The following ZCCHC4 variants were observed in gnomAD, a reference collection of about 807,000 sequenced individuals.
ZCCHC4 encodes zinc finger CCHC-type containing 4.
In ZCCHC4, 54 loss-of-function variants were observed where a neutral mutation model predicts 67.7. The observed-to-expected ratio is 0.80, with a 90% CI of 0.64 to 1.00. ZCCHC4 has a LOEUF of 1.00. ZCCHC4 is among the 50% of genes least tolerant of loss of function. ZCCHC4 has a pLI of 0.00. For missense variants in ZCCHC4, 609 were observed against 617.0 expected, an observed-to-expected ratio of 0.99 and a Z score of 0.14; for synonymous variants, 198 against 213.5, an observed-to-expected ratio of 0.93 and a Z score of 0.63.
chr4:25,330,825 A>G (rs1322318357), intron 3 of ZCCHC4, among the ~76,000 whole-genome samples: 1 of 152,136 alleles, frequency 6.6e-6, no homozygotes, highest in African/African-American at 2.4e-5. Context: ...TTTTCCAGTG[A>G]TAATTCCACC....
chr4:25,323,185 T>G (rs1718676486), intron 3 of ZCCHC4, among the ~76,000 whole-genome samples: 1 of 152,206 alleles, frequency 6.6e-6, no homozygotes, highest in Admixed American at 6.5e-5. Flanking sequence ...TGTAAAAGGT[T>G]TTAGAATCTT....
At chr4:25,321,888 A>G (rs1354514026) in intron 3 of ZCCHC4, among the ~76,000 whole-genome samples, 3 of 152,104 alleles carry the variant, frequency 2.0e-5, no homozygotes, top group Non-Finnish European at 4.4e-5. Context: ...AAAGTACATG[A>G]TATGTTTCAG....
At chr4:25,353,680 T>A (rs1172230629) in intron 8 of ZCCHC4, among the ~76,000 whole-genome samples, 3 of 152,198 alleles carry the variant, frequency 2.0e-5, no homozygotes, top group Non-Finnish European at 4.4e-5. Context: ...GGATCTGAGT[T>A]TTAATCCTGG....
At chr4:25,362,100 C>T (rs1289769161) in intron 9 of ZCCHC4, 120 bp downstream of exon 9, 2 of 1,442,656 alleles carry the variant, frequency 1.4e-6, no homozygotes, top group African/African-American at 2.9e-5. Flanking sequence ...TAAATTAGGT[C>T]CATAATTTCA....
chr4:25,315,469 G>T, intron 3 of ZCCHC4, 69 bp downstream of exon 3: 1 of 1,171,356 alleles, frequency 8.5e-7, no homozygotes, highest in South Asian at 1.8e-5. Context: ...CTTTTTCTGT[G>T]CCTTTAAGTT....
In ZCCHC4 at chr4:25,365,047, TCA is replaced by T; in HGVS notation, c.1289_1290del (p.His430LeufsTer9). ...PSWIHCSICN[H>X]CAVPDHSCEG... ...CCTGGATCCACTGTAGCATCTGCAA[TCA>T]CTGTGCTGTTCCAGATCATTCTTGT... On this transcript the variant is annotated frameshift_variant, in exon 12 of 13. Coordinates refer to ENST00000302874, the MANE Select transcript of ZCCHC4 (RefSeq NM_024936.3). LOFTEE classifies it high-confidence loss of function. 1 of 1,614,190 alleles carries T rather than the reference TCA, an allele frequency of 6.2e-7. No homozygotes were observed. Among genetic ancestry groups the T allele is most frequent in the Non-Finnish European group, 8.5e-7 (1 of 1,180,006 alleles).
intron 8 of ZCCHC4, among the ~76,000 whole-genome samples, 189 bp downstream of exon 8, chr4:25,351,878 T>C (rs899020499): frequency 5.9e-5 from 9 of 152,106 alleles, no homozygotes; most frequent in Non-Finnish European, 1.2e-4. Flanking sequence ...AAAATACAGA[T>C]TGAGTACCAA....
At chr4:25,339,041 C>A (rs1299501388) in intron 5 of ZCCHC4, among the ~76,000 whole-genome samples, 3 of 152,142 alleles carry the variant, frequency 2.0e-5, no homozygotes, top group Non-Finnish European at 4.4e-5. Context: ...TCTCCTGAGG[C>A]CTCTCTCTGT....
Position 25,333,271 on chromosome 4 carries a change from C to T in ZCCHC4, c.418C>T (p.His140Tyr), listed in dbSNP as rs1177421243. Reference protein sequence around the residue: ...QLLLPDDWGQHSEHQVLGNVS... With the variant: ...QLLLPDDWGQYSEHQVLGNVS... ...GTTGTTACCAGATGACTGGGGGCAA[C>T]ATAGTGAGCATCAGGTTCTGGGTAA... The change falls in exon 4 of 13, where the codon CAT becomes TAT. Residue 140 changes from histidine to tyrosine, a missense_variant. Transcript: ENST00000302874. 1.2e-6 allele frequency: 2 copies of T among 1,614,142 alleles called. No homozygotes were observed. The highest frequency in any genetic ancestry group is 1.7e-5 in the Admixed American group (1 of 60,028).
chr4:25,350,096 C>T (rs569614286), intron 7 of ZCCHC4, among the ~76,000 whole-genome samples: 2 of 152,122 alleles, frequency 1.3e-5, no homozygotes, highest in South Asian at 2.1e-4. Flanking sequence ...CAGGGCTCTA[C>T]GCTTTGCCAG....
chr4:25,352,153 A>G (rs1720330464), intron 8 of ZCCHC4: 1 of 985,766 alleles, frequency 1.0e-6, no homozygotes, highest in Admixed American at 6.1e-5. Flanking sequence ...GGATGTCAGG[A>G]GTGTCAGAGA....
intron 3 of ZCCHC4, among the ~76,000 whole-genome samples, chr4:25,320,227 GTTA>G (rs1272481679): frequency 6.6e-6 from 1 of 151,900 alleles, no homozygotes; most frequent in Non-Finnish European, 1.5e-5. Flanking sequence ...TCTGAAATGT[GTTA>G]TTATGTTTGT....
At chr4:25,351,528 A>G in intron 7 of ZCCHC4, 61 bp from the exon 8 acceptor site, 1 of 1,149,136 alleles carries the variant, frequency 8.7e-7, no homozygotes, top group Non-Finnish European at 1.3e-6. Flanking sequence ...AAGTTTTTCT[A>G]CTGTAGCCTT....
At position 25,349,670 on chromosome 4, in the gene ZCCHC4, T is replaced by C. The variant is rs1279633565; in HGVS notation, c.910+28T>C. 9 of 1,606,136 alleles carry C rather than the reference T, an allele frequency of 5.6e-6. No individual in the cohort carries two copies. The East Asian group carries it at 1.6e-4, about 28-fold the overall frequency. Reference sequence around the variant, plus strand: ...GTATAATTTATTACTGCAAAATAAATACATATCTATATATCTACTTCCTGT... The same window carrying C: ...GTATAATTTATTACTGCAAAATAAACACATATCTATATATCTACTTCCTGT... On this transcript the variant is annotated intron_variant, in intron 7 of 12. Coordinates refer to ENST00000302874, the MANE Select transcript of ZCCHC4 (RefSeq NM_024936.3).
intron 5 of ZCCHC4, 116 bp from the exon 6 acceptor site, chr4:25,345,432 C>T: frequency 2.9e-6 from 2 of 697,016 alleles, no homozygotes; most frequent in South Asian, 1.8e-5. Flanking sequence ...TTCTTTATTT[C>T]AAAAAACTAA....
At chr4:25,366,992 A>C (rs1720976469) in intron 12 of ZCCHC4, among the ~76,000 whole-genome samples, 1 of 152,164 alleles carries the variant, frequency 6.6e-6, no homozygotes, top group South Asian at 2.1e-4. Context: ...GAAGACACCT[A>C]AACTCCTGTT....
At chr4:25,357,622 G>T (rs935450305) in intron 8 of ZCCHC4, among the ~76,000 whole-genome samples, 2 of 152,132 alleles carry the variant, frequency 1.3e-5, no homozygotes, top group African/African-American at 2.4e-5. Flanking sequence ...TCTTTCCCTT[G>T]TCCTCAATTT....
At chr4:25,352,827 A>G (rs1490881082) in intron 8 of ZCCHC4, among the ~76,000 whole-genome samples, 3 of 152,222 alleles carry the variant, frequency 2.0e-5, no homozygotes, top group African/African-American at 7.2e-5. Context: ...GCAAGCTAGC[A>G]CTTGGTTCTA....
chr4:25,328,982 G>A (rs1480075645), intron 3 of ZCCHC4, among the ~76,000 whole-genome samples: 3 of 152,034 alleles, frequency 2.0e-5, no homozygotes, highest in Non-Finnish European at 1.5e-5. Flanking sequence ...GAGCCCAGGA[G>A]TTTAGATCAG....
Sources: allele counts gnomAD v4.1 joint callset (sites outside exome capture counted in the v4.1 genomes callset), GRCh38; gene constraint gnomAD v4.1.1; transcripts MANE v1.5; gene names NCBI Gene and HGNC (gene_info 2026-07-23, HGNC 2026-07-21).